Variants in SLC66A2 observed in about 807,000 individuals in gnomAD.
SLC66A2 encodes PQ loop repeat containing 1.
Under a neutral mutation model 25.5 loss-of-function variants are expected in SLC66A2, and 23 were observed. The ratio of observed to expected loss-of-function variants is 0.90; its 90% CI spans 0.65 to 1.28. The LOEUF (loss-of-function observed/expected upper bound fraction) is 1.28, where lower values mean the gene tolerates loss of function less well. Among genes scored for constraint, SLC66A2 ranks in the 50% most tolerant of loss-of-function variants. The pLI is 0.00. For missense variants in SLC66A2, 396 were observed against 373.1 expected, an observed-to-expected ratio of 1.06 and a Z score of -0.51; for synonymous variants, 193 against 166.5, an observed-to-expected ratio of 1.16 and a Z score of -1.23.
In SLC66A2 at chr18:79,917,664, C is replaced by T. The variant is rs73971200; in HGVS notation, c.608+1520G>A. Among the ~76,000 whole-genome samples the T allele has an allele frequency of 6.5e-3, 990 of 152,178 alleles. 17 individuals are homozygous for T. The highest frequency in any genetic ancestry group is 0.022 in the African/African-American group (926 of 41,490). ...CATCCCTGCCTTTTGGGCTCCACAC[C>T]GAAGCCCTCAGGGCTGCCACTGCCC... is the stretch of plus-strand genomic sequence containing the variant. On this transcript the variant is annotated intron_variant, in intron 5 of 5. Coordinates refer to ENST00000397778, the MANE Select transcript of SLC66A2 (RefSeq NM_025078.5). This position sits in a 1 kb window ranked among gnomAD's most constrained non-coding sequence, Gnocchi z 6.0.
chr18:79,935,247 G>A (rs931845846), intron 3 of SLC66A2: 2 of 152,332 alleles, frequency 1.3e-5, no homozygotes, highest in African/African-American at 4.8e-5. Flanking sequence ...GGCAGGCTGG[G>A]GAAGAAGACA....
In SLC66A2 at chr18:79,903,394, G is replaced by A. The variant is rs11542373; in HGVS notation, c.*582C>T. 0.16 allele frequency: 24,514 copies of A among 153,012 alleles called. 2,644 individuals carry two copies. Among genetic ancestry groups the A allele is most frequent in the Non-Finnish European group, 0.23 (15,781 of 68,596 alleles). 9.5% of individuals were successfully genotyped at this position (153,012 alleles called of 1,614,324 possible). A position where few individuals can be genotyped will look rare whatever the true frequency, so the allele number is the denominator to read the frequency against. ...CCACTCCAAAGGCCCAGGAAACACC[G>A]ACTGTCAGAAAACCCGGAGCACGGT... On this transcript the variant is annotated 3_prime_UTR_variant, in exon 6 of 6. Coordinates refer to ENST00000397778, the MANE Select transcript of SLC66A2 (RefSeq NM_025078.5).
In SLC66A2 at chr18:79,903,876, G is replaced by T; in HGVS notation, c.*100C>A. The T allele has an allele frequency of 1.8e-6, 2 of 1,108,398 alleles. No homozygotes were observed. Among genetic ancestry groups the T allele is most frequent in the African/African-American group, 1.6e-5 (1 of 62,228 alleles). 68.7% of individuals were successfully genotyped at this position (1,108,398 alleles called of 1,614,324 possible). On this transcript the variant is annotated 3_prime_UTR_variant, in exon 6 of 6. Transcript: ENST00000397778. ...ACCCCAATGCCCATGCCCCATCTCT[G>T]CCACACCTGCAGGGGCCACAGCACC...
At chr18:79,911,264 G>A (rs891803419) in intron 5 of SLC66A2, among the ~76,000 whole-genome samples, 7 of 152,358 alleles carry the variant, frequency 4.6e-5, no homozygotes, top group Admixed American at 6.5e-5. Context: ...ACATCTTTCC[G>A]TCCCCTTCCC....
intron 2 of SLC66A2, among the ~76,000 whole-genome samples, chr18:79,945,454 C>A (rs1213717865): frequency 6.6e-6 from 1 of 152,170 alleles, no homozygotes; most frequent in African/African-American, 2.4e-5. Context: ...CAGGCAGGCA[C>A]ACAAGCTGTA....
intron 5 of SLC66A2, chr18:79,915,370 T>TCCGGGGCGCTCATTA (rs1242883530): frequency 5.3e-5 from 8 of 152,206 alleles, no homozygotes; most frequent in Admixed American, 6.5e-5. Context: ...GCACAGACTC[T>TCCGGGGCGCTCATTA]CCGGGGCGCT....
intron 4 of SLC66A2, among the ~76,000 whole-genome samples, chr18:79,929,745 TAAAG>T (rs1369146987): frequency 1.3e-5 from 2 of 151,748 alleles, no homozygotes; most frequent in African/African-American, 4.8e-5. Context: ...AGGTTATCAA[TAAAG>T]AGACAGAAAT....
intron 5 of SLC66A2, among the ~76,000 whole-genome samples, chr18:79,911,447 G>A (rs911200469): frequency 6.6e-5 from 10 of 152,260 alleles, no homozygotes; most frequent in East Asian, 5.8e-4. Context: ...GACGGGGGCC[G>A]GCAGGACGTG....
At chr18:79,909,769 T>C (rs1272444141) in intron 5 of SLC66A2, among the ~76,000 whole-genome samples, 31 of 18,024 alleles carry the variant, frequency 1.7e-3, no homozygotes, top group Admixed American at 4.2e-3. Context: ...CTTCCCCACA[T>C]CCTCACCATA....
Position 79,918,143 on chromosome 18 carries a change from CCT to C in SLC66A2, c.608+1039_608+1040del, listed in dbSNP as rs1568304919. Among the ~76,000 whole-genome samples, 3 of 152,198 alleles carry C rather than the reference CCT, an allele frequency of 2.0e-5. No homozygotes were observed. On this transcript the variant is annotated intron_variant, in intron 5 of 5. Transcript: ENST00000397778. The surrounding 1 kb of genome is among the most constrained non-coding windows in gnomAD (Gnocchi z 4.0). ...CTACACACAACCCCCGGCCCTCACA[CCT>C]CTGCCCACACGCCAAACCTGCAAAT...
At chr18:79,915,761 CAGGGCAAACTCAG>C (rs1213880080) in intron 5 of SLC66A2, 2 of 152,240 alleles carry the variant, frequency 1.3e-5, no homozygotes, top group Non-Finnish European at 2.9e-5. Flanking sequence ...ACCCAGGGAG[CAGGGCAAACTCAG>C]AGGTAGAACA....
chr18:79,950,593 T>C (rs1485533237), intron 2 of SLC66A2, 131 bp downstream of exon 2: 6 of 811,440 alleles, frequency 7.4e-6, no homozygotes, highest in Non-Finnish European at 1.0e-5. Flanking sequence ...ACGTACCCCA[T>C]CCACGGCAGA....
At chr18:79,945,948 G>A (rs1262206581) in intron 2 of SLC66A2, among the ~76,000 whole-genome samples, 2 of 152,158 alleles carry the variant, frequency 1.3e-5, no homozygotes, top group South Asian at 2.1e-4. Context: ...CCAGTCCCCT[G>A]GGACACACGG....
intron 4 of SLC66A2, among the ~76,000 whole-genome samples, chr18:79,929,043 C>A (rs1453210223): frequency 2.0e-5 from 3 of 152,212 alleles, no homozygotes; most frequent in Non-Finnish European, 4.4e-5. Flanking sequence ...GGACTCCCTG[C>A]TTAGAGCAGG....
intron 3 of SLC66A2, among the ~76,000 whole-genome samples, chr18:79,934,388 C>T (rs1016224036): frequency 6.6e-6 from 1 of 152,200 alleles, no homozygotes; most frequent in Admixed American, 6.5e-5. Context: ...GATCCTGCTT[C>T]CCTTTTCCTA....
At position 79,904,481 on chromosome 18, in the gene SLC66A2, A is replaced by G. The variant is rs3744880; in HGVS notation, c.609-298T>C. On this transcript the variant is annotated intron_variant, in intron 5 of 5. Coordinates refer to ENST00000397778, the MANE Select transcript of SLC66A2 (RefSeq NM_025078.5). The surrounding 1 kb of genome is among the most constrained non-coding windows in gnomAD (Gnocchi z 6.3). The stretch of plus-strand genomic sequence containing the variant: ...CACCCTTGACTTCTCTGTGGCCGCA[A>G]GAGCTGCCGCCTGGCTGGGGCTCTG... Among the ~76,000 whole-genome samples the G allele has an allele frequency of 0.54, 82,270 of 151,990 alleles. 23,346 individuals are homozygous for G. Among genetic ancestry groups the G allele is most frequent in the South Asian group, 0.74 (3,550 of 4,818 alleles).
At chr18:79,910,958 T>C (rs541694203) in intron 5 of SLC66A2, among the ~76,000 whole-genome samples, 7 of 152,378 alleles carry the variant, frequency 4.6e-5, no homozygotes, top group Middle Eastern at 3.4e-3. Flanking sequence ...TAAAGCCATG[T>C]GGTCTGCAAC....
At chr18:79,920,304 G>GA (rs1242032510) in intron 4 of SLC66A2, among the ~76,000 whole-genome samples, 3 of 5,308 alleles carry the variant, frequency 5.7e-4, no homozygotes, top group Admixed American at 7.4e-3. Context: ...AAGGTCAGTG[G>GA]GGAGAGACAG....
intron 4 of SLC66A2, among the ~76,000 whole-genome samples, chr18:79,931,749 A>G (rs936426854): frequency 2.6e-5 from 4 of 152,188 alleles, no homozygotes; most frequent in African/African-American, 9.7e-5. Flanking sequence ...GTGGTTGCTC[A>G]TGCCTATAAT....
Sources: gnomAD v4.1 joint callset for allele counts (sites outside exome capture counted in the v4.1 genomes callset) on GRCh38, gnomAD v4.1.1 for gene constraint, Gnocchi (gnomAD v3.1) non-coding constraint, MANE v1.5 for transcripts, NCBI Gene and HGNC (gene_info 2026-07-23, HGNC 2026-07-21) for gene names.